TTC28: variants seen among roughly 807,000 people sequenced by gnomAD.
TTC28 encodes tetratricopeptide repeat protein 28.
In TTC28, 61 loss-of-function variants were observed where a neutral mutation model predicts 198.0. The observed-to-expected ratio is 0.31, with a 90% CI of 0.25 to 0.38. The LOEUF (loss-of-function observed/expected upper bound fraction) is 0.38. TTC28 is among the 10% of genes least tolerant of loss of function. The probability of loss-of-function intolerance (pLI) is 1.00; values close to 1 mark genes in which losing one functional copy is unlikely to be tolerated. For missense variants in TTC28, 2,678 were observed against 3,164.0 expected (o/e 0.85, Z 3.69); for synonymous variants, 1,171 against 1,297.8 (o/e 0.90, Z 2.10).
In TTC28 at chr22:28,107,624, G is replaced by A. The variant is rs372876276; in HGVS notation, c.2221C>T (p.Leu741=). ...NGAIKFYEQQ[L]GLAHQVKDRR... is the part of the protein sequence containing the mutation. ...TCCTTTACCTGGTGAGCTAAGCCCA[G>A]TTGCTGCTCATAGAATTTTATTGCA... Residue 741 remains leucine, a synonymous_variant, in exon 7 of 23, where the codon CTG becomes TTG. Transcript: ENST00000397906. The A allele has an allele frequency of 4.5e-6, 7 of 1,551,636 alleles. No homozygotes were observed. The African/African-American group carries it at 9.6e-5, about 21-fold the overall frequency.
intron 12 of TTC28, among the ~76,000 whole-genome samples, chr22:28,072,709 G>A (rs1364293029): frequency 6.6e-6 from 1 of 152,154 alleles, no homozygotes; most frequent in Non-Finnish European, 1.5e-5. Flanking sequence ...TATAACTCCA[G>A]GGGATCCCAT....
intron 2 of TTC28, among the ~76,000 whole-genome samples, chr22:28,347,017 C>G (rs898041574): frequency 4.2e-4 from 64 of 152,152 alleles, no homozygotes; most frequent in African/African-American, 1.4e-3. Flanking sequence ...AATCCCAACA[C>G]TTTGGGAGGC....
chr22:28,637,114 T>C (rs1444123942), intron 1 of TTC28, among the ~76,000 whole-genome samples: 1 of 149,940 alleles, frequency 6.7e-6, no homozygotes, highest in East Asian at 2.0e-4. Context: ...GTTCACACCA[T>C]TCTCCTGCCT....
At chr22:28,032,247 TAA>T (rs1242266792) in intron 12 of TTC28, among the ~76,000 whole-genome samples, 1 of 110,658 alleles carries the variant, frequency 9.0e-6, no homozygotes, top group Non-Finnish European at 1.7e-5. Context: ...TATATATATA[TAA>T]AATATATATA....
intron 2 of TTC28, among the ~76,000 whole-genome samples, chr22:28,542,929 G>T (rs1374703805): frequency 6.6e-6 from 1 of 152,022 alleles, no homozygotes; most frequent in Non-Finnish European, 1.5e-5. Context: ...AAATCAAAAC[G>T]AATTCAACAA....
chr22:28,232,398 A>G (rs1928881384), intron 5 of TTC28, among the ~76,000 whole-genome samples: 1 of 152,116 alleles, frequency 6.6e-6, no homozygotes, highest in Non-Finnish European at 1.5e-5. Flanking sequence ...CAGGCATAGG[A>G]GCTCATATCA....
intron 6 of TTC28, among the ~76,000 whole-genome samples, chr22:28,160,340 C>T (rs531474400): frequency 1.3e-5 from 2 of 152,232 alleles, no homozygotes; most frequent in East Asian, 1.9e-4. Context: ...TATGTACCTA[C>T]TATGTACCCA....
At chr22:28,026,577 C>G (rs1036410996) in intron 13 of TTC28, among the ~76,000 whole-genome samples, 3 of 152,126 alleles carry the variant, frequency 2.0e-5, no homozygotes, top group African/African-American at 7.2e-5. Flanking sequence ...TCTGGAAGGA[C>G]CCCCAACCAA....
chr22:28,248,800 G>C (rs868568372), intron 5 of TTC28, among the ~76,000 whole-genome samples: 1 of 152,100 alleles, frequency 6.6e-6, no homozygotes, highest in Non-Finnish European at 1.5e-5. Context: ...GTGAGGGCTT[G>C]GTAATTCACT....
At chr22:28,678,931 T>C (rs2052045040) in intron 1 of TTC28, among the ~76,000 whole-genome samples, 1 of 152,142 alleles carries the variant, frequency 6.6e-6, no homozygotes, top group African/African-American at 2.4e-5. Flanking sequence ...TCCGTGGCAT[T>C]TTGATCAGGT....
At chr22:28,673,755 A>G (rs2145715107) in intron 1 of TTC28, among the ~76,000 whole-genome samples, 1 of 152,340 alleles carries the variant, frequency 6.6e-6, no homozygotes, top group Admixed American at 6.5e-5. Context: ...TGAATATACA[A>G]GAAACATGAG....
intron 13 of TTC28, among the ~76,000 whole-genome samples, chr22:28,019,035 G>A (rs1938492207): frequency 6.6e-6 from 1 of 152,198 alleles, no homozygotes; most frequent in African/African-American, 2.4e-5. Flanking sequence ...TCTGCCTAGA[G>A]ATCTGCATAA....
chr22:28,082,919 C>G (rs1222395337), intron 12 of TTC28, among the ~76,000 whole-genome samples: 3 of 152,036 alleles, frequency 2.0e-5, no homozygotes, highest in African/African-American at 7.2e-5. Context: ...ATTTAATTTC[C>G]TCACTAGTTA....
intron 2 of TTC28, among the ~76,000 whole-genome samples, chr22:28,445,888 ATATG>A (rs1346285321): frequency 6.6e-6 from 1 of 151,770 alleles, no homozygotes; most frequent in Non-Finnish European, 1.5e-5. Flanking sequence ...ACACACACAC[ATATG>A]TATTTCTAAA....
chr22:28,297,682 C>T lies in TTC28; in HGVS notation c.700G>A (p.Gly234Ser), dbSNP rs989999754. 7.1e-6 allele frequency: 11 copies of T among 1,551,560 alleles called. No individual in the cohort carries two copies. The Admixed American group carries it at 1.4e-4, about 19-fold the overall frequency. ...KIGTCSLKLR[G>S]SVFSALSSAY... is the part of the protein sequence containing the mutation. ...CTGCTCAGGGCAGAGAAAACAGAAC[C>T]TCTCAGTTTGAGGCTGCAGGTGCCA... The change falls in exon 4 of 23, where the codon GGT becomes AGT. Residue 234 changes from glycine (G) to serine (S), a missense_variant. This residue lies in a region of TTC28 where 36 missense variants were observed against 78.7 expected (regional missense o/e 0.46). Coordinates refer to ENST00000397906, the MANE Select transcript of TTC28 (RefSeq NM_001145418.2).
At chr22:28,085,361 A>G (rs565138214) in intron 12 of TTC28, among the ~76,000 whole-genome samples, 5 of 152,294 alleles carry the variant, frequency 3.3e-5, no homozygotes, top group Admixed American at 2.0e-4. Flanking sequence ...AATATTCAAC[A>G]TTCTTAAAGA....
intron 12 of TTC28, among the ~76,000 whole-genome samples, chr22:28,035,952 A>G (rs534722334): frequency 3.3e-5 from 5 of 152,316 alleles, no homozygotes; most frequent in South Asian, 4.1e-4. Context: ...TCCTAAATAT[A>G]TATGCACCCA....
intron 6 of TTC28, among the ~76,000 whole-genome samples, chr22:28,137,665 G>A (rs1020755259): frequency 1.8e-4 from 28 of 151,912 alleles, no homozygotes; most frequent in African/African-American, 6.8e-4. Context: ...TCCTTGTTAT[G>A]ACCTTGCCTC....
chr22:28,392,639 G>A (rs1305732008), intron 2 of TTC28, among the ~76,000 whole-genome samples: 4 of 152,170 alleles, frequency 2.6e-5, no homozygotes, highest in Admixed American at 2.6e-4. Context: ...CTTTGACTAG[G>A]AAAGGGAACT....
Sources: gnomAD v4.1 joint callset for allele counts (sites outside exome capture counted in the v4.1 genomes callset) on GRCh38, gnomAD v4.1.1 for gene constraint, gnomAD v4.1.1 regional missense constraint, MANE v1.5 for transcripts, NCBI Gene and HGNC (gene_info 2026-07-23, HGNC 2026-07-21) for gene names.